The following GRIA1 variants were observed in gnomAD, a reference collection of about 807,000 sequenced individuals.
GRIA1 encodes the protein glutamate receptor 1.
In GRIA1, 31 loss-of-function variants were observed where a neutral mutation model predicts 99.2. The observed-to-expected ratio is 0.31, with a 90% CI of 0.23 to 0.42. The LOEUF is 0.42. Among genes scored for constraint, GRIA1 ranks in the 10% least tolerant of loss-of-function variants. GRIA1 has a pLI of 1.00. For synonymous variants in GRIA1, 438 were observed against 432.4 expected, an observed-to-expected ratio of 1.01 and a Z score of -0.16; for missense variants, 782 against 1,157.5, an observed-to-expected ratio of 0.68 and a Z score of 4.71.
At chr5:153,509,492 T>C (rs917719854) in intron 2 of GRIA1, among the ~76,000 whole-genome samples, 17 of 152,166 alleles carry the variant, frequency 1.1e-4, no homozygotes, top group African/African-American at 4.1e-4. Context: ...CTTTCTACCT[T>C]CTGTTCTTGA....
At chr5:153,799,229 G>C (rs370593924) in intron 14 of GRIA1, among the ~76,000 whole-genome samples, 27 of 152,296 alleles carry the variant, frequency 1.8e-4, no homozygotes, top group African/African-American at 6.3e-4. Flanking sequence ...TGTGAAATGT[G>C]AGTAGCTGTT....
chr5:153,507,860 A>G (rs1236210799), intron 2 of GRIA1, among the ~76,000 whole-genome samples: 1 of 152,112 alleles, frequency 6.6e-6, no homozygotes, highest in African/African-American at 2.4e-5. Context: ...CCTAAACCCT[A>G]CACTCTATGT....
At chr5:153,718,899 A>G (rs1368373284) in intron 11 of GRIA1, among the ~76,000 whole-genome samples, 1 of 152,188 alleles carries the variant, frequency 6.6e-6, no homozygotes, top group Non-Finnish European at 1.5e-5. Context: ...TATTGGCAGC[A>G]TCACTCATCC....
At position 153,646,978 on chromosome 5, in the gene GRIA1, C is replaced by T. The variant is rs140735929; in HGVS notation, c.271C>T (p.Arg91Cys). The change falls in exon 3 of 16, where the codon CGT becomes TGT. Residue 91 changes from arginine to cysteine, a missense_variant. Arg to Cys is a radical substitution (Grantham distance 180). Transcript: ENST00000285900. ...GVYAIFGFYE[R>C]RTVNMLTSFC... ...CTATGCCATCTTTGGGTTTTATGAA[C>T]GTAGGACTGTCAACATGCTGACCTC... The T allele has an allele frequency of 1.4e-4, 219 of 1,613,790 alleles. 1 individual carries two copies. Among genetic ancestry groups the T allele is most frequent in the Non-Finnish European group, 1.5e-4 (179 of 1,179,864 alleles).
intron 2 of GRIA1, among the ~76,000 whole-genome samples, chr5:153,536,247 C>T (rs1353088): frequency 0.99 from 150,740 of 152,252 alleles, 74,642 homozygotes; most frequent in East Asian, 1. Flanking sequence ...CAATGCTCTC[C>T]GTTTTTTTCT....
intron 11 of GRIA1, among the ~76,000 whole-genome samples, chr5:153,731,639 G>A (rs1464244823): frequency 6.6e-6 from 1 of 151,900 alleles, no homozygotes; most frequent in African/African-American, 2.4e-5. Flanking sequence ...ATATATTTAA[G>A]GTATACAACA....
intron 2 of GRIA1, chr5:153,558,084 C>G (rs1440427615): frequency 3.9e-5 from 6 of 152,218 alleles, no homozygotes; most frequent in Non-Finnish European, 1.5e-5. Context: ...GCCAGCATCA[C>G]CACAAACACA....
intron 15 of GRIA1, among the ~76,000 whole-genome samples, chr5:153,807,426 T>A (rs1040294955): frequency 6.6e-6 from 1 of 152,224 alleles, no homozygotes; most frequent in African/African-American, 2.4e-5. Flanking sequence ...CAGAGGCCTG[T>A]CCTGATAAAA....
intron 2 of GRIA1, among the ~76,000 whole-genome samples, chr5:153,635,491 G>T (rs1373984309): frequency 6.6e-6 from 1 of 152,214 alleles, no homozygotes; most frequent in African/African-American, 2.4e-5. Flanking sequence ...CTAGGTAGAT[G>T]TACTCCCTAC....
intron 2 of GRIA1, among the ~76,000 whole-genome samples, chr5:153,602,150 A>C (rs192359748): frequency 2.6e-5 from 4 of 152,236 alleles, no homozygotes; most frequent in Admixed American, 6.5e-5. Flanking sequence ...ACAATGATAG[A>C]CTGGATTAAG....
chr5:153,795,013 T>C (rs1035260430), intron 14 of GRIA1, among the ~76,000 whole-genome samples: 3 of 152,090 alleles, frequency 2.0e-5, no homozygotes, highest in African/African-American at 7.2e-5. Context: ...GCCTGGACCT[T>C]CTTTTCCAGA....
chr5:153,637,571 T>C (rs1056096821), intron 2 of GRIA1, among the ~76,000 whole-genome samples: 1 of 152,200 alleles, frequency 6.6e-6, no homozygotes, highest in Non-Finnish European at 1.5e-5. Context: ...TGCTCTCATT[T>C]TGAACCCATT....
intron 13 of GRIA1, among the ~76,000 whole-genome samples, chr5:153,788,172 T>C (rs1377514889): frequency 6.6e-6 from 1 of 152,070 alleles, no homozygotes; most frequent in Non-Finnish European, 1.5e-5. Context: ...TCTCCACAAA[T>C]GGTCCCTCAG....
intron 13 of GRIA1, among the ~76,000 whole-genome samples, chr5:153,775,830 T>C (rs955215999): frequency 2.7e-5 from 4 of 147,122 alleles, no homozygotes; most frequent in African/African-American, 1.0e-4. Context: ...GGAAGAATTG[T>C]GATAGATGGG....
chr5:153,583,296 C>T (rs1049180719), intron 2 of GRIA1, among the ~76,000 whole-genome samples: 8 of 152,108 alleles, frequency 5.3e-5, no homozygotes, highest in African/African-American at 1.7e-4. Flanking sequence ...ATTCCACAAG[C>T]AGGATGGCTT....
At chr5:153,683,354 C>T (rs17115020) in intron 7 of GRIA1, among the ~76,000 whole-genome samples, 10,431 of 152,176 alleles carry the variant, frequency 0.069, 403 homozygotes, top group Middle Eastern at 0.13. Context: ...CTTGGCTTCC[C>T]CAACTAGATA....
intron 5 of GRIA1, among the ~76,000 whole-genome samples, chr5:153,665,116 C>T (rs1382875317): frequency 6.6e-6 from 1 of 152,210 alleles, no homozygotes; most frequent in South Asian, 2.1e-4. Context: ...CTCTGGAAGA[C>T]CAACTATTCC....
chr5:153,541,262 G>A (rs1234948093), intron 2 of GRIA1, among the ~76,000 whole-genome samples: 1 of 151,982 alleles, frequency 6.6e-6, no homozygotes, highest in Non-Finnish European at 1.5e-5. Context: ...TCCTTCTTCT[G>A]ACCACTCAAC....
chr5:153,702,126 G>A (rs1758573825), intron 10 of GRIA1, among the ~76,000 whole-genome samples: 1 of 152,196 alleles, frequency 6.6e-6, no homozygotes, highest in African/African-American at 2.4e-5. Flanking sequence ...TCCACACTGG[G>A]ACATACTGCC....
Sources: allele counts gnomAD v4.1 joint callset (sites outside exome capture counted in the v4.1 genomes callset), GRCh38; gene constraint gnomAD v4.1.1; transcripts MANE v1.5; gene names NCBI Gene and HGNC (gene_info 2026-07-23, HGNC 2026-07-21).